TMPRSS2: variants seen among roughly 807,000 people sequenced by gnomAD.
The protein encoded by TMPRSS2 is transmembrane protease serine 2.
In TMPRSS2, 59 loss-of-function variants were observed where a neutral mutation model predicts 67.4. The ratio of observed to expected loss-of-function variants is 0.88; its 90% CI spans 0.71 to 1.09. The LOEUF (loss-of-function observed/expected upper bound fraction) is 1.09. Among genes scored for constraint, TMPRSS2 ranks in the 50% least tolerant of loss-of-function variants. The probability of loss-of-function intolerance (pLI) is 0.00; values close to 1 mark genes in which losing one functional copy is unlikely to be tolerated. For synonymous variants in TMPRSS2, 257 were observed against 257.0 expected, an observed-to-expected ratio of 1.00 and a Z score of 0.00; for missense variants, 668 against 642.7, an observed-to-expected ratio of 1.04 and a Z score of -0.43.
At chr21:41,466,484 C>G (rs370634518) in intron 13 of TMPRSS2, among the ~76,000 whole-genome samples, 1 of 152,244 alleles carries the variant, frequency 6.6e-6, no homozygotes, top group Non-Finnish European at 1.5e-5. Context: ...GCCAAACACA[C>G]CTGGATCATT....
chr21:41,507,897 C>T (rs374143750), intron 1 of TMPRSS2, 184 bp downstream of exon 1: 1 of 1,491,422 alleles, frequency 6.7e-7, no homozygotes. Context: ...CCCAGCACCC[C>T]GGGAGGCGCC....
intron 2 of TMPRSS2, 152 bp downstream of exon 2, chr21:41,497,967 A>T: frequency 1.6e-6 from 1 of 617,222 alleles, no homozygotes; most frequent in Non-Finnish European, 2.9e-6. Flanking sequence ...CACCTGACTC[A>T]CTCTTTCTAG....
chr21:41,489,535 C>T lies in TMPRSS2; in HGVS notation c.297G>A (p.Ala99=), dbSNP rs762943835. ...LTLGTFLVGA[A]LAAGLLWKFM... is the part of the protein sequence containing the mutation. ...ACTTCCAGAGTAGGCCAGCGGCCAG[C>T]GCAGCTCCCACGAGGAAGGTCCCCA... is the stretch of plus-strand genomic sequence containing the variant. The change falls in exon 4 of 14, where the codon GCG becomes GCA. Residue 99 remains alanine (A), a synonymous_variant. Transcript: ENST00000332149. 2.1e-5 allele frequency: 34 copies of T among 1,613,938 alleles called. No individual in the cohort carries two copies. Among genetic ancestry groups the T allele is most frequent in the South Asian group, 3.3e-5 (3 of 91,078 alleles).
At chr21:41,493,421 G>A (rs555725136) in intron 3 of TMPRSS2, among the ~76,000 whole-genome samples, 1 of 152,140 alleles carries the variant, frequency 6.6e-6, no homozygotes, top group Admixed American at 6.5e-5. Flanking sequence ...GAGTGGGGGA[G>A]AGGTGGGGAC....
chr21:41,496,141 T>A (rs1409458558), intron 2 of TMPRSS2, among the ~76,000 whole-genome samples: 1 of 152,160 alleles, frequency 6.6e-6, no homozygotes, highest in Non-Finnish European at 1.5e-5. Flanking sequence ...GCCGCCAGGC[T>A]CCTGTACTCA....
Position 41,507,719 on chromosome 21 carries a change from G to C in TMPRSS2, c.-57+362C>G, listed in dbSNP as rs939112639. On this transcript the variant is annotated intron_variant, in intron 1 of 13. Transcript: ENST00000332149. ...GCACCGGTGCTCCCAGGCGGGGGCC[G>C]TGGAGGGCAGGCGGACTAGGAGCCA... 1.1e-4 allele frequency among the ~76,000 whole-genome samples: 16 copies of C among 152,350 alleles called. No homozygotes were observed. The East Asian group carries it at 3.1e-3, about 29-fold the overall frequency.
intron 3 of TMPRSS2, among the ~76,000 whole-genome samples, chr21:41,490,304 A>C (rs1488924065): frequency 6.6e-6 from 1 of 152,150 alleles, no homozygotes; most frequent in Non-Finnish European, 1.5e-5. Flanking sequence ...TGTTAGTGGT[A>C]CTCAAAGCAG....
chr21:41,504,095 T>C (rs1429906716), intron 1 of TMPRSS2, among the ~76,000 whole-genome samples: 4 of 152,262 alleles, frequency 2.6e-5, no homozygotes, highest in Non-Finnish European at 5.9e-5. Context: ...CAGACCTCGC[T>C]TGAAAATATT....
intron 8 of TMPRSS2, among the ~76,000 whole-genome samples, chr21:41,476,008 C>T (rs66575656): frequency 0.25 from 37,839 of 151,932 alleles, 4,837 homozygotes; most frequent in Middle Eastern, 0.33. Flanking sequence ...AGGAGAGGGA[C>T]GGTGGCTTCC....
intron 12 of TMPRSS2, chr21:41,468,155 C>T: frequency 1.6e-6 from 1 of 617,470 alleles, no homozygotes; most frequent in Non-Finnish European, 2.8e-6. Flanking sequence ...ATACTTGTTT[C>T]TGTTCCACTG....
At chr21:41,502,490 T>C (rs2091431140) in intron 1 of TMPRSS2, 1 of 985,244 alleles carries the variant, frequency 1.0e-6, no homozygotes, top group East Asian at 1.1e-4. Flanking sequence ...TCAGTGCCCC[T>C]TCTTCAAAAT....
In TMPRSS2 at chr21:41,472,301, T is replaced by C. The variant is rs117562633; in HGVS notation, c.900-320A>G. On this transcript the variant is annotated intron_variant, in intron 9 of 13. Transcript: ENST00000332149. ...TTTCTAGCAGGACTGGCCCTTATTT[T>C]CCTTTGTACGCCAAAGCATTTCCTG... Among the ~76,000 whole-genome samples, 51 of 152,324 alleles carry C rather than the reference T, an allele frequency of 3.3e-4. 1 individual carries two copies. The East Asian group carries it at 9.8e-3, about 29-fold the overall frequency.
Position 41,489,555 on chromosome 21 carries a change from T to G in TMPRSS2, c.277A>C (p.Thr93Pro). 1 of 1,614,070 alleles carries G rather than the reference T, an allele frequency of 6.2e-7. No homozygotes were observed. The highest frequency in any genetic ancestry group is 8.5e-7 in the Non-Finnish European group (1 of 1,179,998). Residue 93 changes from threonine (T) to proline (P), a missense_variant, in exon 4 of 14, where the codon ACC becomes CCC. Coordinates refer to ENST00000332149, the MANE Select transcript of TMPRSS2 (RefSeq NM_005656.4). ...KALCITLTLG[T>P]FLVGAALAAG... ...GCCAGCGCAGCTCCCACGAGGAAGG[T>G]CCCCAGGGTCAAGGTGATGCACAGT...
In TMPRSS2 at chr21:41,471,998, A is replaced by G; in HGVS notation, c.900-17T>C. 9 of 1,578,226 alleles carry G rather than the reference A, an allele frequency of 5.7e-6. No homozygotes were observed. Among genetic ancestry groups the G allele is most frequent in the Non-Finnish European group, 7.8e-6 (9 of 1,157,468 alleles). ...TTAAGAGGTCTGGGAGAGAAGAAGG[A>G]CTCAGTATCTCAGAGCCATAAACAC... On this transcript the variant is annotated splice_polypyrimidine_tract_variant and intron_variant, in intron 9 of 13. Coordinates refer to ENST00000332149, the MANE Select transcript of TMPRSS2 (RefSeq NM_005656.4).
chr21:41,468,343 G>C (rs1450764734), intron 12 of TMPRSS2, 53 bp downstream of exon 12: 1 of 1,603,170 alleles, frequency 6.2e-7, no homozygotes, highest in Admixed American at 1.7e-5. Context: ...CTCTCATGGG[G>C]GGTTCAGTAG....
chr21:41,474,291 A>G (rs1404650017), intron 8 of TMPRSS2, among the ~76,000 whole-genome samples: 2 of 1,542 alleles, frequency 1.3e-3, no homozygotes, highest in African/African-American at 7.9e-3. Flanking sequence ...GGGTGAGGGC[A>G]TGAGTGAGGA....
chr21:41,472,006 T>A, intron 9 of TMPRSS2, 25 bp from the exon 10 acceptor site: 1 of 1,563,490 alleles, frequency 6.4e-7, no homozygotes. Flanking sequence ...GGACTCAGTA[T>A]CTCAGAGCCA....
rs1246636769 is a variant in TMPRSS2 at position 41,507,837 on chromosome 21, C to G, written c.-57+244G>C. The G allele has an allele frequency of 5.8e-6, 7 of 1,206,142 alleles. No homozygotes were observed. In the East Asian group the frequency reaches 2.2e-4, roughly 38 times the overall value. The allele number at this position is 1,206,142 out of a possible 1,614,324, so 74.7% of individuals were successfully genotyped here. A position where few individuals can be genotyped will look rare whatever the true frequency, so the allele number is the denominator to read the frequency against. ...CCTCGCGATGCCAAGCCAACAGGGG[C>G]GGCGAGGGCTCTCGGCCGTGCGCAA... On this transcript the variant is annotated intron_variant, in intron 1 of 13. Transcript: ENST00000332149.
Position 41,465,381 on chromosome 21 carries a change from C to A in TMPRSS2, c.*761G>T. ...GCCAGGACCAAGGGGCATGTGCACTCTCCAGGGTGCTAGGAGCAGGGTCAG... is the reference window on the plus strand; with the variant it reads ...GCCAGGACCAAGGGGCATGTGCACTATCCAGGGTGCTAGGAGCAGGGTCAG... On this transcript the variant is annotated 3_prime_UTR_variant, in exon 14 of 14. Coordinates refer to ENST00000332149, the MANE Select transcript of TMPRSS2 (RefSeq NM_005656.4). 1 of 233,756 alleles carries A rather than the reference C, an allele frequency of 4.3e-6. No homozygotes were observed. The highest frequency in any genetic ancestry group is 6.0e-5 in the East Asian group (1 of 16,580). 14.5% of individuals were successfully genotyped at this position (233,756 alleles called of 1,614,324 possible).
Sources: allele counts gnomAD v4.1 joint callset (sites outside exome capture counted in the v4.1 genomes callset), GRCh38; gene constraint gnomAD v4.1.1; transcripts MANE v1.5; gene names NCBI Gene and HGNC (gene_info 2026-07-23, HGNC 2026-07-21).